Variants in NEMF observed in about 807,000 individuals in gnomAD.
The protein encoded by NEMF is nuclear export mediator factor.
NEMF carries 89 observed loss-of-function variants against 162.2 expected under a neutral mutation model. The observed-to-expected ratio is 0.55, with a 90% CI of 0.46 to 0.65. The LOEUF is 0.65. Ranked by LOEUF, NEMF falls within the 30% of genes least tolerant of loss-of-function variation. The pLI is 0.00. For synonymous variants in NEMF, 421 were observed against 404.5 expected (o/e 1.04, Z -0.49); for missense variants, 1,133 against 1,261.9 (o/e 0.90, Z 1.55).
At chr14:49,793,935 T>A (rs1244288913) in intron 26 of NEMF, among the ~76,000 whole-genome samples, 2 of 152,176 alleles carry the variant, frequency 1.3e-5, no homozygotes, top group Admixed American at 1.3e-4. Context: ...TTGTCATTTG[T>A]TTTTTAATTT....
chr14:49,837,460 G>C (rs955769574), intron 6 of NEMF, among the ~76,000 whole-genome samples: 1 of 151,886 alleles, frequency 6.6e-6, no homozygotes, highest in African/African-American at 2.4e-5. Context: ...AGACCAGCCT[G>C]GGCAACATAA....
intron 6 of NEMF, among the ~76,000 whole-genome samples, chr14:49,834,835 T>C (rs768786827): frequency 2.1e-4 from 32 of 152,356 alleles, no homozygotes; most frequent in African/African-American, 7.7e-4. Flanking sequence ...ATATCAATGA[T>C]CTACTCAATA....
At position 49,833,076 on chromosome 14, in the gene NEMF, G is replaced by A. The variant is rs144393556; in HGVS notation, c.735+347C>T. ...AGGTCAGGAGTTCGAGACCAGCCTGGCCAACACGGTGAAACCTCATCTCTA... is the reference window on the plus strand; with the variant it reads ...AGGTCAGGAGTTCGAGACCAGCCTGACCAACACGGTGAAACCTCATCTCTA... On this transcript the variant is annotated intron_variant, in intron 8 of 32. Transcript: ENST00000298310. Among the ~76,000 whole-genome samples the A allele has an allele frequency of 7.9e-3, 1,208 of 152,180 alleles. 15 individuals carry two copies. The highest frequency in any genetic ancestry group is 0.027 in the African/African-American group (1,141 of 41,510).
At position 49,832,244 on chromosome 14, in the gene NEMF, T is replaced by G. The variant is rs3100906; in HGVS notation, c.769A>C (p.Ser257Arg). 1 of 1,608,562 alleles carries G rather than the reference T, an allele frequency of 6.2e-7. No homozygotes were observed. The highest frequency in any genetic ancestry group is 8.5e-7 in the Non-Finnish European group (1 of 1,175,558). Residue 257 changes from serine to arginine, a missense_variant, in exon 9 of 33, where the codon AGC becomes CGC. Around this residue, in one of 3 missense-constraint regions of NEMF, gnomAD observed 582 missense variants for 631.5 expected, o/e 0.92. Transcript: ENST00000298310. ...TCAACTGGTTTATCTGCTTCCAAGC[T>G]TGGTTTTATTTCTCTTTTCTGAATG... is the stretch of plus-strand genomic sequence containing the variant. ...YIIQKREIKP[S>R]LEADKPVEDI... is the part of the protein sequence containing the mutation.
intron 6 of NEMF, 104 bp downstream of exon 6, chr14:49,838,035 A>G: frequency 3.7e-6 from 3 of 821,708 alleles, no homozygotes; most frequent in Non-Finnish European, 5.9e-6. Flanking sequence ...TACTCCAAGG[A>G]TCACTTGTTC....
chr14:49,848,404 T>C (rs1240748075), intron 3 of NEMF, among the ~76,000 whole-genome samples: 2 of 152,222 alleles, frequency 1.3e-5, no homozygotes, highest in African/African-American at 4.8e-5. Context: ...TGTACCGTCT[T>C]TTTGTACAAA....
chr14:49,794,021 T>A (rs1162135506), intron 26 of NEMF, among the ~76,000 whole-genome samples: 1 of 152,198 alleles, frequency 6.6e-6, no homozygotes, highest in Admixed American at 6.5e-5. Context: ...TCATTTTGAA[T>A]ATTTCATATC....
At chr14:49,838,063 C>A (rs1449856923) in intron 6 of NEMF, 76 bp downstream of exon 6, 1 of 1,158,244 alleles carries the variant, frequency 8.6e-7, no homozygotes, top group Non-Finnish European at 1.3e-6. Flanking sequence ...CTAATAAAAC[C>A]ATAAAAGATT....
At chr14:49,806,738 T>C (rs1891235199) in intron 18 of NEMF, among the ~76,000 whole-genome samples, 1 of 152,092 alleles carries the variant, frequency 6.6e-6, no homozygotes, top group African/African-American at 2.4e-5. Flanking sequence ...CTAACTTCAC[T>C]CCAGAAAAGA....
At chr14:49,825,377 T>C (rs1022526990) in intron 16 of NEMF, among the ~76,000 whole-genome samples, 1 of 152,116 alleles carries the variant, frequency 6.6e-6, no homozygotes, top group East Asian at 1.9e-4. Context: ...AAGGCAAATA[T>C]CAAAAGAATC....
intron 16 of NEMF, among the ~76,000 whole-genome samples, chr14:49,817,355 G>C (rs1891765948): frequency 6.6e-6 from 1 of 152,162 alleles, no homozygotes; most frequent in South Asian, 2.1e-4. Context: ...AGGCAGAATT[G>C]CTTGAACCCA....
In NEMF at chr14:49,803,235, A is replaced by G; in HGVS notation, c.1915+2T>C. On this transcript the variant is annotated splice_donor_variant, in intron 20 of 32. Coordinates refer to ENST00000298310, the MANE Select transcript of NEMF (RefSeq NM_004713.6). LOFTEE classifies it high-confidence loss of function. ...GTGATATTTTTCCTGTCAAGACATT[A>G]CCTCTTATCATGAAGCTTCCTGTTG... The G allele has an allele frequency of 6.2e-7, 1 of 1,604,044 alleles. No individual in the cohort carries two copies. Among genetic ancestry groups the G allele is most frequent in the Non-Finnish European group, 8.5e-7 (1 of 1,171,208 alleles).
intron 4 of NEMF, among the ~76,000 whole-genome samples, chr14:49,843,395 A>G (rs185641414): frequency 6.6e-6 from 1 of 152,264 alleles, no homozygotes; most frequent in Non-Finnish European, 1.5e-5. Context: ...ATGAAAGGCT[A>G]AGGCAAGAGG....
At chr14:49,789,465 A>C (rs1174701171) in intron 27 of NEMF, 31 bp downstream of exon 27, 3 of 1,610,768 alleles carry the variant, frequency 1.9e-6, no homozygotes, top group Non-Finnish European at 2.5e-6. Context: ...TTTGAAAAGC[A>C]AAAGAAAAAA....
intron 17 of NEMF, 84 bp from the exon 18 acceptor site, chr14:49,814,134 C>A: frequency 1.2e-6 from 1 of 829,616 alleles, no homozygotes; most frequent in Non-Finnish European, 2.0e-6. Flanking sequence ...GAGTCTCGCT[C>A]TGTCGCCCAG....
rs539493124 is a variant in NEMF, at chr14:49,852,013, G to A, written c.60-138C>T. ...GTCAGCCGAGGAGCAGAGTCTGAAAGCCATTTGGAGATTCAGTTCAAAACT... is the reference window on the plus strand; with the variant it reads ...GTCAGCCGAGGAGCAGAGTCTGAAAACCATTTGGAGATTCAGTTCAAAACT... On this transcript the variant is annotated intron_variant, in intron 1 of 32. Coordinates refer to ENST00000298310, the MANE Select transcript of NEMF (RefSeq NM_004713.6). 412 of 578,798 alleles carry A rather than the reference G, an allele frequency of 7.1e-4. 4 individuals are homozygous for A. The Middle Eastern group carries it at 0.02, about 28-fold the overall frequency. The allele number at this position is 578,798 out of a possible 1,614,324, so 35.9% of individuals were successfully genotyped here.
rs1299557853 is a variant in NEMF, at chr14:49,830,993, G to A, written c.945+306C>T. Among the ~76,000 whole-genome samples the A allele has an allele frequency of 2.8e-4, 42 of 152,216 alleles. 1 individual carries two copies. The highest frequency in any genetic ancestry group is 2.7e-3 in the Admixed American group (41 of 15,282). ...CAGTATCTCCTTAACAGCAATGTTT[G>A]AGAAGCTTTGGGTTGTTCTGAGCAA... is the stretch of plus-strand genomic sequence containing the variant. On this transcript the variant is annotated intron_variant, in intron 11 of 32. Coordinates refer to ENST00000298310, the MANE Select transcript of NEMF (RefSeq NM_004713.6).
At chr14:49,824,700 A>G (rs1042970370) in intron 16 of NEMF, among the ~76,000 whole-genome samples, 2 of 152,068 alleles carry the variant, frequency 1.3e-5, no homozygotes, top group African/African-American at 4.8e-5. Flanking sequence ...GAGTGCTGAG[A>G]TTACAGGAAT....
intron 5 of NEMF, among the ~76,000 whole-genome samples, chr14:49,838,492 T>C (rs189321736): frequency 1.3e-5 from 2 of 152,310 alleles, no homozygotes; most frequent in Non-Finnish European, 1.5e-5. Context: ...GACATTTTTC[T>C]GTAAAAGTTA....
Sources: gnomAD v4.1 joint callset for allele counts (sites outside exome capture counted in the v4.1 genomes callset) on GRCh38, gnomAD v4.1.1 for gene constraint, gnomAD v4.1.1 regional missense constraint, MANE v1.5 for transcripts, NCBI Gene and HGNC (gene_info 2026-07-23, HGNC 2026-07-21) for gene names.